PRIM2: variants seen among roughly 807,000 people sequenced by gnomAD.
PRIM2 encodes the protein DNA primase subunit 2.
PRIM2 carries 39 observed loss-of-function variants against 67.3 expected under a neutral mutation model. The observed-to-expected ratio is 0.58, with a 90% CI of 0.45 to 0.76. The LOEUF (loss-of-function observed/expected upper bound fraction) is 0.76, where lower values mean the gene tolerates loss of function less well. PRIM2 is among the 30% of genes least tolerant of loss of function. The pLI is 0.00. For missense variants in PRIM2, 398 were observed against 598.7 expected (o/e 0.66, Z 3.50); for synonymous variants, 143 against 198.7 (o/e 0.72, Z 2.36).
intron 7 of PRIM2, among the ~76,000 whole-genome samples, chr6:57,426,837 G>A (rs1470756310): frequency 1.3e-5 from 2 of 152,166 alleles, no homozygotes; most frequent in African/African-American, 4.8e-5. Flanking sequence ...GTAGAAATGT[G>A]TACAATTTTC....
chr6:57,482,787 T>TTAAATACCTATTTTA (rs1773661965), intron 7 of PRIM2, among the ~76,000 whole-genome samples: 1 of 152,166 alleles, frequency 6.6e-6, no homozygotes, highest in Non-Finnish European at 1.5e-5. Context: ...GTCAAGGAGA[T>TTAAATACCTATTTTA]TAAATACCTA....
intron 7 of PRIM2, among the ~76,000 whole-genome samples, chr6:57,470,969 A>G (rs1773324781): frequency 1.3e-5 from 2 of 152,242 alleles, no homozygotes; most frequent in African/African-American, 4.8e-5. Context: ...TTACAGTATT[A>G]AAATCTCATT....
At chr6:57,249,033 G>A in the PRIM2 span, among the ~76,000 whole-genome samples, 1 of 152,170 alleles carries the variant, frequency 6.6e-6, no homozygotes, top group African/African-American at 2.4e-5. Context: ...TGGAAACCAC[G>A]TTAATATACT....
chr6:57,341,649 A>G (rs1768495789), intron 5 of PRIM2, among the ~76,000 whole-genome samples: 1 of 152,196 alleles, frequency 6.6e-6, no homozygotes, highest in Admixed American at 6.5e-5. Flanking sequence ...CACTTTGGTT[A>G]GAATATTTAG....
At chr6:57,423,870 C>G (rs924049152) in intron 7 of PRIM2, among the ~76,000 whole-genome samples, 1 of 152,112 alleles carries the variant, frequency 6.6e-6, no homozygotes, top group East Asian at 1.9e-4. Flanking sequence ...TTTTAAGGGT[C>G]CAGGTCTAAA....
At chr6:57,595,981 A>G (rs1776358679) in intron 10 of PRIM2, among the ~76,000 whole-genome samples, 2 of 152,094 alleles carry the variant, frequency 1.3e-5, no homozygotes, top group South Asian at 4.2e-4. Flanking sequence ...GCCCCCATCT[A>G]GGAGCCCACC....
At chr6:57,235,130 G>A in the PRIM2 span, among the ~76,000 whole-genome samples, 1 of 151,778 alleles carries the variant, frequency 6.6e-6, no homozygotes, top group African/African-American at 2.4e-5. Flanking sequence ...CAGCCTGGGT[G>A]ACAGAATGAG....
intron 8 of PRIM2, among the ~76,000 whole-genome samples, chr6:57,512,318 A>G (rs1774388138): frequency 6.6e-6 from 1 of 152,148 alleles, no homozygotes; most frequent in Admixed American, 6.5e-5. Context: ...TTTCCTTAAG[A>G]TTGGTAAGAT....
the PRIM2 span, among the ~76,000 whole-genome samples, chr6:57,250,972 T>C: frequency 1.3e-5 from 2 of 152,108 alleles, no homozygotes; most frequent in African/African-American, 4.8e-5. Context: ...TATTCCAAAA[T>C]CTGAAAAAAA....
chr6:57,568,612 A>G (rs1455203158), intron 10 of PRIM2, among the ~76,000 whole-genome samples: 3 of 152,232 alleles, frequency 2.0e-5, no homozygotes, highest in Non-Finnish European at 4.4e-5. Context: ...TGGCTTTTCT[A>G]TTTCACAGTT....
At chr6:57,543,196 C>T (rs1431213831) in intron 10 of PRIM2, among the ~76,000 whole-genome samples, 2 of 151,822 alleles carry the variant, frequency 1.3e-5, no homozygotes, top group African/African-American at 4.8e-5. Flanking sequence ...GCCTCGGCCT[C>T]CCAAAGTGCT....
the PRIM2 span, among the ~76,000 whole-genome samples, chr6:57,250,532 G>A: frequency 6.6e-6 from 1 of 152,274 alleles, no homozygotes; most frequent in East Asian, 1.9e-4. Context: ...AAAACATGAT[G>A]ACGTAATTTA....
chr6:57,621,706 A>T (rs1435073666), intron 12 of PRIM2, among the ~76,000 whole-genome samples: 1 of 152,192 alleles, frequency 6.6e-6, no homozygotes, highest in East Asian at 1.9e-4. Flanking sequence ...CATTTGAGAA[A>T]AAAGAAGAGT....
intron 12 of PRIM2, among the ~76,000 whole-genome samples, chr6:57,613,451 T>C (rs1196883194): frequency 7.2e-5 from 11 of 152,356 alleles, no homozygotes; most frequent in African/African-American, 2.4e-4. Flanking sequence ...ATGTGCCTAA[T>C]GGATAGATGG....
At chr6:57,423,106 T>A (rs557015014) in intron 7 of PRIM2, among the ~76,000 whole-genome samples, 8 of 152,292 alleles carry the variant, frequency 5.3e-5, no homozygotes, top group Admixed American at 5.2e-4. Context: ...CCTAGTAGCC[T>A]TTGCTTTTTT....
chr6:57,502,553 C>A (rs1385595080), intron 7 of PRIM2, among the ~76,000 whole-genome samples: 3 of 152,176 alleles, frequency 2.0e-5, no homozygotes, highest in African/African-American at 7.2e-5. Context: ...TGCATGTGTG[C>A]ATGCTTCTCC....
chr6:57,307,848 C>T, the PRIM2 span, among the ~76,000 whole-genome samples: 1 of 152,132 alleles, frequency 6.6e-6, no homozygotes, highest in Non-Finnish European at 1.5e-5. Flanking sequence ...CCTAACCTAA[C>T]TGGAAGCAGA....
intron 13 of PRIM2, among the ~76,000 whole-genome samples, chr6:57,639,079 A>G (rs2127501100): frequency 6.6e-6 from 1 of 152,372 alleles, no homozygotes; most frequent in South Asian, 2.1e-4. Context: ...CAATCAAATT[A>G]GAACTCAAGA....
At chr6:57,328,980 C>G (rs897258115) in intron 5 of PRIM2, among the ~76,000 whole-genome samples, 2 of 152,078 alleles carry the variant, frequency 1.3e-5, no homozygotes, top group Non-Finnish European at 2.9e-5. Flanking sequence ...AAATCCTTTG[C>G]CTGTTTTGTA....
Sources: allele counts gnomAD v4.1 joint callset (sites outside exome capture counted in the v4.1 genomes callset), GRCh38; gene constraint gnomAD v4.1.1; transcripts MANE v1.5; gene names NCBI Gene and HGNC (gene_info 2026-07-23, HGNC 2026-07-21).